FAM20A: variants seen among roughly 807,000 people sequenced by gnomAD.
FAM20A encodes pseudokinase FAM20A.
FAM20A carries 42 observed loss-of-function variants against 52.0 expected under a neutral mutation model. That is an observed-to-expected ratio of 0.81 (90% confidence interval 0.63 to 1.04). The LOEUF is 1.04. Ranked by LOEUF, FAM20A falls within the 50% of genes least tolerant of loss-of-function variation. The pLI is 0.00. For synonymous variants in FAM20A, 304 were observed against 298.9 expected, an observed-to-expected ratio of 1.02 and a Z score of -0.18; for missense variants, 742 against 712.7, an observed-to-expected ratio of 1.04 and a Z score of -0.47.
At chr17:68,597,943 T>C (rs2088499716) in intron 1 of FAM20A, 1 of 151,856 alleles carries the variant, frequency 6.6e-6, no homozygotes, top group Non-Finnish European at 1.5e-5. Flanking sequence ...AGTGACTCCC[T>C]TTCACAATAG....
chr17:68,557,577 T>G (rs2087090718), intron 1 of FAM20A: 1 of 152,224 alleles, frequency 6.6e-6, no homozygotes, highest in Non-Finnish European at 1.5e-5. Context: ...ATTGGACTTC[T>G]TAGCCTCCAG....
Position 68,537,917 on chromosome 17 carries a change from C to A in FAM20A, c.1362-176G>T. Among the ~76,000 whole-genome samples the A allele has an allele frequency of 6.6e-6, 1 of 152,140 alleles. No individual in the cohort carries two copies. Among genetic ancestry groups the A allele is most frequent in the East Asian group, 1.9e-4 (1 of 5,194 alleles). ...AAGGGAACAAATGAAAGGCAAAATC[C>A]AGTATCCTGCAGTCCTTTGCCCAAT... On this transcript the variant is annotated intron_variant, in intron 10 of 10. Coordinates refer to ENST00000592554, the MANE Select transcript of FAM20A (RefSeq NM_017565.4). This position sits in a 1 kb window ranked among gnomAD's most constrained non-coding sequence, Gnocchi z 4.2.
At chr17:68,573,640 T>C (rs1194488371) in intron 1 of FAM20A, among the ~76,000 whole-genome samples, 1 of 150,406 alleles carries the variant, frequency 6.6e-6, no homozygotes, top group Non-Finnish European at 1.5e-5. Context: ...CCTTCCCTCC[T>C]TTCTTTCTTC....
chr17:68,555,880 G>A (rs2087037679), intron 1 of FAM20A, 137 bp from the exon 2 acceptor site: 1 of 1,069,596 alleles, frequency 9.3e-7, no homozygotes, highest in Non-Finnish European at 1.4e-6. Context: ...TAGGCTTTAA[G>A]CTGTGCTTAG....
rs1332729115 is a variant in FAM20A, at chr17:68,552,665, C to T, written c.641-714G>A. Among the ~76,000 whole-genome samples the T allele has an allele frequency of 1.4e-4, 15 of 109,998 alleles. 1 individual carries two copies. Among genetic ancestry groups the T allele is most frequent in the African/African-American group, 4.5e-4 (14 of 31,002 alleles). 72.2% of individuals were successfully genotyped at this position (109,998 alleles called of 152,430 possible). A position where few individuals can be genotyped will look rare whatever the true frequency, so the allele number is the denominator to read the frequency against. ...CTGGAGCCCTGTAAACCTTTATTTT[C>T]CTTTTTTTTTTTTTTTTTTTTTTTT... On this transcript the variant is annotated intron_variant, in intron 3 of 10. Coordinates refer to ENST00000592554, the MANE Select transcript of FAM20A (RefSeq NM_017565.4).
chr17:68,600,789 C>G lies in FAM20A; in HGVS notation c.-123G>C, dbSNP rs2088604243. ...GCGGGTGGGCCGGGGTCAGTGAGAC[C>G]GGAATGCTCCCCGCGCGGGCTAGTC... On this transcript the variant is annotated 5_prime_UTR_variant, in exon 1 of 11. Coordinates refer to ENST00000592554, the MANE Select transcript of FAM20A (RefSeq NM_017565.4). This position sits in a 1 kb window ranked among gnomAD's most constrained non-coding sequence, Gnocchi z 6.2. The G allele has an allele frequency of 9.2e-7, 1 of 1,091,888 alleles. No individual in the cohort carries two copies. 67.6% of individuals were successfully genotyped at this position (1,091,888 alleles called of 1,614,324 possible). A position where few individuals can be genotyped will look rare whatever the true frequency, so the allele number is the denominator to read the frequency against.
intron 1 of FAM20A, among the ~76,000 whole-genome samples, chr17:68,589,041 C>A (rs538430776): frequency 5.3e-5 from 8 of 152,288 alleles, no homozygotes; most frequent in African/African-American, 1.7e-4. Flanking sequence ...CCCCAGATAG[C>A]CTTTGATTTA....
intron 1 of FAM20A, among the ~76,000 whole-genome samples, chr17:68,574,695 C>T (rs575206412): frequency 6.6e-6 from 1 of 152,196 alleles, no homozygotes; most frequent in East Asian, 1.9e-4. Flanking sequence ...GCTTAATTTC[C>T]CAGTTACCTG....
At chr17:68,554,035 C>T (rs62087502) in intron 3 of FAM20A, among the ~76,000 whole-genome samples, 16,527 of 119,086 alleles carry the variant, frequency 0.14, 2,511 homozygotes, top group African/African-American at 0.23. Context: ...TATATACACA[C>T]ATGCATATAT....
chr17:68,577,760 T>C (rs1023799473), intron 1 of FAM20A, among the ~76,000 whole-genome samples: 1 of 152,196 alleles, frequency 6.6e-6, no homozygotes, highest in African/African-American at 2.4e-5. Flanking sequence ...CTCCACTCCT[T>C]CTATAGCTTC....
At position 68,600,232 on chromosome 17, in the gene FAM20A, C is replaced by A. The variant is rs1312682679; in HGVS notation, c.404+31G>T. The A allele has an allele frequency of 1.0e-5, 16 of 1,548,144 alleles. No homozygotes were observed. The highest frequency in any genetic ancestry group is 1.3e-5 in the Non-Finnish European group (15 of 1,146,366). Reference sequence around the variant, plus strand: ...GCGGGGAGGCCCCGGCCAGAGCGCCCGCTCTCCCGCGTCCCGGGCGGGGTC... The same window carrying A: ...GCGGGGAGGCCCCGGCCAGAGCGCCAGCTCTCCCGCGTCCCGGGCGGGGTC... On this transcript the variant is annotated intron_variant, in intron 1 of 10. Transcript: ENST00000592554. The surrounding 1 kb of genome is among the most constrained non-coding windows in gnomAD (Gnocchi z 6.2).
chr17:68,563,956 G>A (rs34212119), intron 1 of FAM20A, among the ~76,000 whole-genome samples: 25,408 of 152,034 alleles, frequency 0.17, 2,229 homozygotes, highest in South Asian at 0.27. Context: ...GCCATAGTTC[G>A]ACCCCTGCTG....
At chr17:68,561,085 A>G (rs1396847037) in intron 1 of FAM20A, among the ~76,000 whole-genome samples, 5 of 152,086 alleles carry the variant, frequency 3.3e-5, no homozygotes, top group South Asian at 2.1e-4. Flanking sequence ...TTTGTTGTCA[A>G]TCTTTTGACT....
At chr17:68,566,060 CCTT>C (rs2087368901) in intron 1 of FAM20A, among the ~76,000 whole-genome samples, 1 of 152,146 alleles carries the variant, frequency 6.6e-6, no homozygotes, top group Non-Finnish European at 1.5e-5. Context: ...CCTTGGAATG[CCTT>C]CTTCTACACT....
rs1033269772 is a variant in FAM20A, at chr17:68,600,807, G to A, written c.-141C>T. On this transcript the variant is annotated 5_prime_UTR_variant, in exon 1 of 11. Transcript: ENST00000592554. The surrounding 1 kb of genome is among the most constrained non-coding windows in gnomAD (Gnocchi z 6.2). ...GTGAGACCGGAATGCTCCCCGCGCG[G>A]GCTAGTCCCCTGTGGAGGGGTGTCG... The A allele has an allele frequency of 5.4e-6, 5 of 925,222 alleles. No homozygotes were observed. The African/African-American group carries it at 6.9e-5, about 13-fold the overall frequency. The allele number at this position is 925,222 out of a possible 1,614,324, so 57.3% of individuals were successfully genotyped here. A position where few individuals can be genotyped will look rare whatever the true frequency, so the allele number is the denominator to read the frequency against.
intron 4 of FAM20A, among the ~76,000 whole-genome samples, chr17:68,549,084 T>C (rs570222733): frequency 6.6e-6 from 1 of 152,324 alleles, no homozygotes; most frequent in African/African-American, 2.4e-5. Flanking sequence ...CTGTGAGTTA[T>C]GTTAATTTAT....
At chr17:68,544,059 AAG>A (rs1278163839) in intron 4 of FAM20A, among the ~76,000 whole-genome samples, 1 of 152,144 alleles carries the variant, frequency 6.6e-6, no homozygotes, top group Non-Finnish European at 1.5e-5. Flanking sequence ...GTATAAACAG[AAG>A]AGAGGGGAAT....
Position 68,536,587 on chromosome 17 carries a change from G to C in FAM20A, c.*890C>G. 2.2e-6 allele frequency: 1 copy of C among 453,660 alleles called. No homozygotes were observed. 28.1% of individuals were successfully genotyped at this position (453,660 alleles called of 1,614,324 possible). On this transcript the variant is annotated 3_prime_UTR_variant, in exon 11 of 11. Transcript: ENST00000592554. The stretch of plus-strand genomic sequence containing the variant: ...TCCACATAGCCCCTTTCTTCTTTTG[G>C]GGATGGGCCGGGGACAATCCTGGGG...
At position 68,594,407 on chromosome 17, in the gene FAM20A, A is replaced by C. The variant is rs529001744; in HGVS notation, c.404+5856T>G. 5.8e-4 allele frequency among the ~76,000 whole-genome samples: 88 copies of C among 152,256 alleles called. 1 individual carries two copies. The highest frequency in any genetic ancestry group is 1.4e-3 in the East Asian group (7 of 5,184). On this transcript the variant is annotated intron_variant, in intron 1 of 10. Coordinates refer to ENST00000592554, the MANE Select transcript of FAM20A (RefSeq NM_017565.4). ...GAGCGAGACTCCGTCTCAAAAAAAAAAAAACAAAACAGTATTGTATTTGTC... is the reference window on the plus strand; with the variant it reads ...GAGCGAGACTCCGTCTCAAAAAAAACAAAACAAAACAGTATTGTATTTGTC...
Sources: allele counts gnomAD v4.1 joint callset (sites outside exome capture counted in the v4.1 genomes callset), GRCh38; gene constraint gnomAD v4.1.1; non-coding constraint Gnocchi (gnomAD v3.1); transcripts MANE v1.5; gene names NCBI Gene and HGNC (gene_info 2026-07-23, HGNC 2026-07-21).